TMEM63A: variants seen among roughly 807,000 people sequenced by gnomAD.
TMEM63A encodes transmembrane protein 63A.
A neutral mutation model predicts 100.6 loss-of-function variants in TMEM63A; 76 were observed. The ratio of observed to expected loss-of-function variants is 0.76; its 90% CI spans 0.63 to 0.91. TMEM63A has a LOEUF of 0.91. TMEM63A is among the 40% of genes least tolerant of loss of function. The pLI is 0.00. For synonymous variants in TMEM63A, 401 were observed against 401.1 expected (o/e 1.00, Z 0.00); for missense variants, 876 against 1,008.8 (o/e 0.87, Z 1.78).
chr1:225,847,387 C>T (rs1669068508), intron 23 of TMEM63A, 174 bp from the exon 24 acceptor site: 1 of 721,898 alleles, frequency 1.4e-6, no homozygotes, highest in African/African-American at 1.8e-5. Context: ...TGCAGAATTT[C>T]CTAGCAGCCA....
rs1668916174 is a variant in TMEM63A at position 225,845,646 on chromosome 1, C to G, written c.*1293G>C. 2.0e-6 allele frequency: 1 copy of G among 493,468 alleles called. No homozygotes were observed. Among genetic ancestry groups the G allele is most frequent in the Non-Finnish European group, 3.7e-6 (1 of 269,944 alleles). 30.6% of individuals were successfully genotyped at this position (493,468 alleles called of 1,614,324 possible). ...AGCAGAGCTGGCCGGCCCCTCCTTG[C>G]TGGCAGAGGCACGGGAGGCCTGCTG... On this transcript the variant is annotated 3_prime_UTR_variant, in exon 25 of 25. Coordinates refer to ENST00000366835, the MANE Select transcript of TMEM63A (RefSeq NM_014698.3).
At chr1:225,866,813 C>G in intron 8 of TMEM63A, 131 bp from the exon 9 acceptor site, 1 of 820,768 alleles carries the variant, frequency 1.2e-6, no homozygotes, top group Middle Eastern at 3.4e-4. Flanking sequence ...AGATGCCTCC[C>G]ACAGAGGTTG....
At chr1:225,851,581 G>T (rs1669343979) in intron 20 of TMEM63A, among the ~76,000 whole-genome samples, 1 of 152,148 alleles carries the variant, frequency 6.6e-6, no homozygotes, top group Admixed American at 6.6e-5. Flanking sequence ...TATTGGCCAG[G>T]TTGTTCTTGA....
rs866052233 is a variant in TMEM63A at position 225,857,387 on chromosome 1, G to T, written c.1378-370C>A. ...CCTGGAGTCCTGGCCGGCGGGGCGG[G>T]GGGGGGGGGGTGCCCTGCCTGCTCA... is the stretch of plus-strand genomic sequence containing the variant. On this transcript the variant is annotated intron_variant, in intron 15 of 24. Transcript: ENST00000366835. 2.1e-3 allele frequency among the ~76,000 whole-genome samples: 243 copies of T among 118,512 alleles called. 3 individuals carry two copies. The highest frequency in any genetic ancestry group is 3.3e-3 in the Admixed American group (41 of 12,428). 77.7% of individuals were successfully genotyped at this position (118,512 alleles called of 152,430 possible).
Position 225,847,138 on chromosome 1 carries a change from TCTGCTGCTG to T in TMEM63A, c.2317_2325del (p.Gln773_Gln775del). On this transcript the variant is annotated inframe_deletion, in exon 24 of 25. Coordinates refer to ENST00000366835, the MANE Select transcript of TMEM63A (RefSeq NM_014698.3). The stretch of plus-strand genomic sequence containing the variant: ...CTGATGTTGTGGATGGCACCATAGG[TCTGCTGCTG>T]CTGCTGCTGCGGAGACAGTGCTGTC... 6.2e-7 allele frequency: 1 copy of T among 1,612,106 alleles called. No individual in the cohort carries two copies. The highest frequency in any genetic ancestry group is 8.5e-7 in the Non-Finnish European group (1 of 1,178,982).
At chr1:225,863,467 C>A (rs1670044919) in intron 10 of TMEM63A, among the ~76,000 whole-genome samples, 1 of 152,152 alleles carries the variant, frequency 6.6e-6, no homozygotes, top group Non-Finnish European at 1.5e-5. Context: ...CCTCTAAAGA[C>A]CCAAAGGAAC....
downstream of TMEM63A, among the ~76,000 whole-genome samples, chr1:225,842,734 C>T (rs186565643): frequency 6.6e-6 from 1 of 152,226 alleles, no homozygotes; most frequent in Non-Finnish European, 1.5e-5. Context: ...GCTGAACAGG[C>T]CCCTCTGGGG....
At chr1:225,879,982 G>A (rs1671008098) in intron 1 of TMEM63A, among the ~76,000 whole-genome samples, 1 of 97,266 alleles carries the variant, frequency 1.0e-5, no homozygotes, top group Non-Finnish European at 2.7e-5. Flanking sequence ...ACCCTCGCCA[G>A]TGCTGCAGAG....
Position 225,862,380 on chromosome 1 carries a change from A to T in TMEM63A, c.952-29T>A. 5 of 1,614,062 alleles carry T rather than the reference A, an allele frequency of 3.1e-6. No homozygotes were observed. Among genetic ancestry groups the T allele is most frequent in the Non-Finnish European group, 4.2e-6 (5 of 1,179,950 alleles). On this transcript the variant is annotated intron_variant, in intron 12 of 24. Transcript: ENST00000366835. This position sits in a 1 kb window ranked among gnomAD's most constrained non-coding sequence, Gnocchi z 5.1. ...CCACAAGACACATCCCATTGGGATG[A>T]CGTGGCCCCATGCTGGTATCTGGGG... is the stretch of plus-strand genomic sequence containing the variant.
At position 225,859,221 on chromosome 1, in the gene TMEM63A, A is replaced by C. The variant is rs1184217880; in HGVS notation, c.1352T>G (p.Val451Gly). ...ATTCAGCGCATGGATGGGTTTGGTG[A>C]CATTAAACTTGTCCATGGTGGACAG... ...IILSTMDKFN[V>G]TKPIHALNNP... The change falls in exon 15 of 25, where the codon GTC (valine) becomes GGC (glycine). Residue 451 changes from valine (V) to glycine (G), a missense_variant. Physicochemically the swap from Val to Gly is moderately radical, Grantham distance 109. Transcript: ENST00000366835. 1.2e-6 allele frequency: 2 copies of C among 1,613,968 alleles called. No homozygotes were observed. The highest frequency in any genetic ancestry group is 2.7e-5 in the African/African-American group (2 of 74,894).
chr1:225,853,735 G>C lies in TMEM63A; in HGVS notation c.1691C>G (p.Ala564Gly). Residue 564 changes from alanine to glycine, a missense_variant, in exon 19 of 25, where the codon GCC (alanine) becomes GGC (glycine). Ala to Gly is a moderately conservative substitution (Grantham distance 60). This residue lies in a region of TMEM63A where 339 missense variants were observed against 342.3 expected (regional missense o/e 0.99). Transcript: ENST00000366835. This position sits in a 1 kb window ranked among gnomAD's most constrained non-coding sequence, Gnocchi z 4.0. ...AFFVNYVIAS[A>G]FIGNGMELLR... ...CAGCTCCATGCCATTGCCGATGAAGGCCGAGGCGATGACATAGTTCACAAA... is the reference window on the plus strand; with the variant it reads ...CAGCTCCATGCCATTGCCGATGAAGCCCGAGGCGATGACATAGTTCACAAA... The C allele has an allele frequency of 6.2e-7, 1 of 1,605,614 alleles. No individual in the cohort carries two copies. Among genetic ancestry groups the C allele is most frequent in the Non-Finnish European group, 8.5e-7 (1 of 1,176,062 alleles).
At chr1:225,847,975 C>A (rs1017959282) in intron 23 of TMEM63A, among the ~76,000 whole-genome samples, 1 of 152,162 alleles carries the variant, frequency 6.6e-6, no homozygotes, top group Non-Finnish European at 1.5e-5. Flanking sequence ...AGGAGCAGGA[C>A]CCTGGAGGCT....
rs537228219 is a variant in TMEM63A at position 225,846,863 on chromosome 1, A to G, written c.*76T>C. On this transcript the variant is annotated 3_prime_UTR_variant, in exon 25 of 25. Transcript: ENST00000366835. ...CTGATAGCTCAGCTGGGCAGTCCCAACGCATTCCCACTCAGCCAAGGGCCT... is the reference window on the plus strand; with the variant it reads ...CTGATAGCTCAGCTGGGCAGTCCCAGCGCATTCCCACTCAGCCAAGGGCCT... 1.2e-5 allele frequency: 9 copies of G among 748,030 alleles called. No individual in the cohort carries two copies. Among genetic ancestry groups the G allele is most frequent in the South Asian group, 4.7e-5 (2 of 42,818 alleles). The allele number at this position is 748,030 out of a possible 1,614,324, so 46.3% of individuals were successfully genotyped here. A position where few individuals can be genotyped will look rare whatever the true frequency, so the allele number is the denominator to read the frequency against.
At chr1:225,872,613 C>T (rs1331695175) in intron 4 of TMEM63A, among the ~76,000 whole-genome samples, 5 of 151,546 alleles carry the variant, frequency 3.3e-5, no homozygotes, top group Admixed American at 2.6e-4. Context: ...TCCTTTCTTG[C>T]GAGTACCCCC....
At chr1:225,860,766 T>G in intron 14 of TMEM63A, 94 bp downstream of exon 14, 4 of 1,447,776 alleles carry the variant, frequency 2.8e-6, no homozygotes, top group Non-Finnish European at 3.7e-6. Flanking sequence ...GAGATCTCCA[T>G]TGACTGCCAG....
chr1:225,842,435 A>G (rs377753818), downstream of TMEM63A: 32 of 1,613,964 alleles, frequency 2.0e-5, no homozygotes, highest in African/African-American at 9.3e-5. Flanking sequence ...ACCTGGACCA[A>G]TACGGAATTC....
At chr1:225,857,381 G>A (rs1392980803) in intron 15 of TMEM63A, among the ~76,000 whole-genome samples, 3 of 1,266 alleles carry the variant, frequency 2.4e-3, no homozygotes, top group Non-Finnish European at 7.6e-3. Flanking sequence ...CTGGCCGGCG[G>A]GGCGGGGGGG....
intron 15 of TMEM63A, among the ~76,000 whole-genome samples, chr1:225,858,166 A>G (rs994099586): frequency 6.6e-6 from 1 of 152,224 alleles, no homozygotes; most frequent in African/African-American, 2.4e-5. Flanking sequence ...AAATTTAAAA[A>G]GAAAAATAAT....
intron 20 of TMEM63A, among the ~76,000 whole-genome samples, chr1:225,850,373 CGA>C (rs566007219): frequency 3.7e-4 from 56 of 152,234 alleles, no homozygotes; most frequent in African/African-American, 1.1e-3. Context: ...CTTGGAAAGC[CGA>C]GAGGTTTGCA....
Sources: gnomAD v4.1 joint callset for allele counts (sites outside exome capture counted in the v4.1 genomes callset) on GRCh38, gnomAD v4.1.1 for gene constraint, gnomAD v4.1.1 regional missense constraint, Gnocchi (gnomAD v3.1) non-coding constraint, MANE v1.5 for transcripts, NCBI Gene and HGNC (gene_info 2026-07-23, HGNC 2026-07-21) for gene names.